The following RSRC1 variants were observed in gnomAD, a reference collection of about 807,000 sequenced individuals.
RSRC1 encodes the protein serine/Arginine-related protein 53.
A neutral mutation model predicts 49.1 loss-of-function variants in RSRC1; 39 were observed. That is an observed-to-expected ratio of 0.79 (90% CI 0.61 to 1.04). RSRC1 has a LOEUF of 1.04. RSRC1 is among the 50% of genes least tolerant of loss of function. RSRC1 has a pLI of 0.00. For missense variants in RSRC1, 388 were observed against 402.4 expected, an observed-to-expected ratio of 0.96 and a Z score of 0.31; for synonymous variants, 143 against 130.8, an observed-to-expected ratio of 1.09 and a Z score of -0.63.
chr3:158,490,026 A>C (rs1739001975), intron 7 of RSRC1, among the ~76,000 whole-genome samples: 1 of 152,222 alleles, frequency 6.6e-6, no homozygotes, highest in Non-Finnish European at 1.5e-5. Flanking sequence ...AATGTAAACA[A>C]AAGTGCTGTA....
chr3:158,247,491 G>A (rs2108006461), intron 4 of RSRC1, among the ~76,000 whole-genome samples: 1 of 152,238 alleles, frequency 6.6e-6, no homozygotes, highest in South Asian at 2.1e-4. Flanking sequence ...TCAGGGTTTT[G>A]CACTGATTTG....
chr3:158,171,302 C>T (rs1718867759), intron 3 of RSRC1, among the ~76,000 whole-genome samples: 1 of 152,130 alleles, frequency 6.6e-6, no homozygotes, highest in Non-Finnish European at 1.5e-5. Flanking sequence ...AGTCTTACAA[C>T]ATGATAAACA....
chr3:158,298,187 C>G, intron 5 of RSRC1, 112 bp downstream of exon 5: 1 of 806,804 alleles, frequency 1.2e-6, no homozygotes. Context: ...AACCATTTCC[C>G]AAAGGGTCAG....
At chr3:158,182,044 T>C (rs1719649932) in intron 3 of RSRC1, among the ~76,000 whole-genome samples, 1 of 152,118 alleles carries the variant, frequency 6.6e-6, no homozygotes, top group Non-Finnish European at 1.5e-5. Flanking sequence ...AAAAGAAATA[T>C]AGAACAAGTT....
At chr3:158,134,020 A>G (rs192387856) in intron 3 of RSRC1, among the ~76,000 whole-genome samples, 138 of 152,260 alleles carry the variant, frequency 9.1e-4, no homozygotes, top group African/African-American at 3.2e-3. Flanking sequence ...GAAGAAAGGA[A>G]CCTTGATACA....
chr3:158,399,052 G>C (rs1400266018), intron 6 of RSRC1, among the ~76,000 whole-genome samples: 1 of 144,850 alleles, frequency 6.9e-6, no homozygotes, highest in Non-Finnish European at 1.5e-5. Flanking sequence ...TATCATGTTT[G>C]AGATATTTCT....
intron 7 of RSRC1, among the ~76,000 whole-genome samples, chr3:158,477,806 A>T (rs1209625372): frequency 1.2e-5 from 1 of 83,704 alleles, no homozygotes; most frequent in East Asian, 2.7e-4. Flanking sequence ...ATTTATATAT[A>T]TATATATATA....
intron 4 of RSRC1, among the ~76,000 whole-genome samples, chr3:158,250,257 G>C (rs1724133625): frequency 2.0e-5 from 3 of 152,152 alleles, no homozygotes; most frequent in African/African-American, 7.2e-5. Flanking sequence ...TGGCTATTGT[G>C]AATAGTGCTG....
chr3:158,438,027 G>A (rs1578477607), intron 6 of RSRC1, among the ~76,000 whole-genome samples: 1 of 152,152 alleles, frequency 6.6e-6, no homozygotes, highest in East Asian at 1.9e-4. Context: ...ACCAGTAACA[G>A]ACAAACAGAG....
At chr3:158,398,618 T>A (rs1304753412) in intron 6 of RSRC1, among the ~76,000 whole-genome samples, 1 of 152,122 alleles carries the variant, frequency 6.6e-6, no homozygotes, top group African/African-American at 2.4e-5. Flanking sequence ...ACACAGACAT[T>A]CAAACCATAG....
intron 5 of RSRC1, among the ~76,000 whole-genome samples, chr3:158,328,168 G>A (rs200760493): frequency 0.12 from 18,373 of 151,666 alleles, 1,377 homozygotes; most frequent in Middle Eastern, 0.19. Flanking sequence ...CACACTGATG[G>A]GTCTTGACTC....
intron 6 of RSRC1, among the ~76,000 whole-genome samples, chr3:158,411,991 T>TG (rs1201648440): frequency 1.3e-5 from 2 of 152,176 alleles, no homozygotes; most frequent in African/African-American, 4.8e-5. Context: ...CTGTTCTTTC[T>TG]GCTTTCAGTT....
chr3:158,362,445 G>C (rs1731531911), intron 6 of RSRC1, among the ~76,000 whole-genome samples: 1 of 152,132 alleles, frequency 6.6e-6, no homozygotes, highest in Non-Finnish European at 1.5e-5. Flanking sequence ...TTAATCTTTT[G>C]TAAGTAAGTC....
chr3:158,410,120 A>G (rs898314558), intron 6 of RSRC1, among the ~76,000 whole-genome samples: 10 of 152,130 alleles, frequency 6.6e-5, no homozygotes, highest in Non-Finnish European at 1.3e-4. Flanking sequence ...TTTTTTAAAA[A>G]AAGCGGGCAA....
At chr3:158,163,356 AT>A (rs1207840026) in intron 3 of RSRC1, among the ~76,000 whole-genome samples, 1 of 152,118 alleles carries the variant, frequency 6.6e-6, no homozygotes, top group Non-Finnish European at 1.5e-5. Context: ...TGTGGTGAGA[AT>A]TTAATGATTC....
intron 6 of RSRC1, among the ~76,000 whole-genome samples, chr3:158,356,049 G>A (rs1009311558): frequency 4.0e-5 from 6 of 151,748 alleles, no homozygotes; most frequent in East Asian, 1.9e-4. Flanking sequence ...TATAAATGTG[G>A]TTTCTTTCTC....
At chr3:158,272,579 A>T (rs545509793) in intron 4 of RSRC1, among the ~76,000 whole-genome samples, 26 of 152,178 alleles carry the variant, frequency 1.7e-4, no homozygotes, top group South Asian at 4.1e-4. Flanking sequence ...AAAATTTTTA[A>T]TACTAGTATT....
chr3:158,180,874 G>A (rs1199586267), intron 3 of RSRC1, among the ~76,000 whole-genome samples: 1 of 142,612 alleles, frequency 7.0e-6, no homozygotes, highest in Non-Finnish European at 1.5e-5. Flanking sequence ...GCGCAATCTC[G>A]GCTTACTGCA....
At chr3:158,215,470 C>T (rs1721900974) in intron 4 of RSRC1, among the ~76,000 whole-genome samples, 1 of 151,616 alleles carries the variant, frequency 6.6e-6, no homozygotes, top group South Asian at 2.1e-4. Flanking sequence ...GGTGTGTTTA[C>T]ATGACTCACT....
Sources: allele counts gnomAD v4.1 joint callset (sites outside exome capture counted in the v4.1 genomes callset), GRCh38; gene constraint gnomAD v4.1.1; transcripts MANE v1.5; gene names NCBI Gene and HGNC (gene_info 2026-07-23, HGNC 2026-07-21).